Variants in DPP6 observed in about 807,000 individuals in gnomAD.
DPP6 encodes the protein dipeptidyl peptidase like 6.
Under a neutral mutation model 122.6 loss-of-function variants are expected in DPP6, and 69 were observed. That is an observed-to-expected ratio of 0.56 (90% confidence interval 0.46 to 0.69). DPP6 has a LOEUF of 0.69. Ranked by LOEUF, DPP6 falls within the 30% of genes least tolerant of loss-of-function variation. The pLI is 0.00. For missense variants in DPP6, 928 were observed against 1,116.9 expected, an observed-to-expected ratio of 0.83 and a Z score of 2.41; for synonymous variants, 418 against 433.1, an observed-to-expected ratio of 0.97 and a Z score of 0.43.
rs1808840097 is a variant in DPP6 at position 154,330,592 on chromosome 7, A to G, written c.244-115622A>G. ...ACTGAGACCGCTCCAGACATCTGAG[A>G]TGAACATGAAGAGAAAGGAATTTTC... On this transcript the variant is annotated intron_variant, in intron 1 of 25. Transcript: ENST00000377770. Among the ~76,000 whole-genome samples the G allele has an allele frequency of 3.3e-5, 5 of 152,324 alleles. No individual in the cohort carries two copies. In the South Asian group the frequency reaches 8.3e-4, roughly 25 times the overall value.
intron 22 of DPP6, among the ~76,000 whole-genome samples, chr7:154,887,399 G>C (rs77892139): frequency 6.6e-6 from 1 of 152,260 alleles, no homozygotes; most frequent in African/African-American, 2.4e-5. Context: ...GATTAACTGG[G>C]TTTTGCTTAA....
chr7:154,197,289 G>A (rs946219138), intron 1 of DPP6, among the ~76,000 whole-genome samples: 1 of 151,924 alleles, frequency 6.6e-6, no homozygotes, highest in Admixed American at 6.6e-5. Flanking sequence ...AGAAATAAGA[G>A]AATCCATGGG....
intron 5 of DPP6, among the ~76,000 whole-genome samples, chr7:154,614,254 T>C (rs1238466344): frequency 6.6e-6 from 1 of 152,248 alleles, no homozygotes; most frequent in Non-Finnish European, 1.5e-5. Flanking sequence ...AACTGGTTGT[T>C]CTGTTGGTTT....
At chr7:154,371,266 C>T (rs528052090) in intron 1 of DPP6, among the ~76,000 whole-genome samples, 2 of 150,020 alleles carry the variant, frequency 1.3e-5, no homozygotes, top group South Asian at 4.2e-4. Context: ...ATAATCCCAG[C>T]TACTCGGGAG....
In DPP6 at chr7:154,474,554, A is replaced by G. The variant is rs144625855; in HGVS notation, c.359-385A>G. Among the ~76,000 whole-genome samples, 71 of 152,326 alleles carry G rather than the reference A, an allele frequency of 4.7e-4. 1 individual carries two copies. In the East Asian group the frequency reaches 0.013, roughly 29 times the overall value. The stretch of plus-strand genomic sequence containing the variant: ...GCAGCTAAAATGCTGCACTTAATGA[A>G]TGCTTCATGATTGACCAATTACATC... On this transcript the variant is annotated intron_variant, in intron 2 of 25. Coordinates refer to ENST00000377770, the MANE Select transcript of DPP6 (RefSeq NM_130797.4).
chr7:154,333,798 A>G (rs1203811882), intron 1 of DPP6, among the ~76,000 whole-genome samples: 1 of 152,234 alleles, frequency 6.6e-6, no homozygotes, highest in Non-Finnish European at 1.5e-5. Context: ...GACTTTATGT[A>G]ATTTTAATTA....
intron 1 of DPP6, among the ~76,000 whole-genome samples, chr7:154,030,877 A>G (rs1799190497): frequency 6.6e-6 from 1 of 152,038 alleles, no homozygotes; most frequent in Non-Finnish European, 1.5e-5. Flanking sequence ...GACATATTTC[A>G]GAGTGTCTGC....
At chr7:153,997,817 G>C (rs1225061750) in intron 1 of DPP6, among the ~76,000 whole-genome samples, 1 of 150,958 alleles carries the variant, frequency 6.6e-6, no homozygotes, top group Non-Finnish European at 1.5e-5. Context: ...GCAGGTCTGC[G>C]TTCATGCCAC....
chr7:154,468,535 T>A (rs1821985871), intron 2 of DPP6, among the ~76,000 whole-genome samples: 1 of 152,176 alleles, frequency 6.6e-6, no homozygotes, highest in Non-Finnish European at 1.5e-5. Context: ...TATCCGCATA[T>A]AATCATGTGA....
At chr7:153,916,760 G>T (rs1389137536) in intron 1 of DPP6, among the ~76,000 whole-genome samples, 1 of 152,084 alleles carries the variant, frequency 6.6e-6, no homozygotes, top group Middle Eastern at 3.4e-3. Flanking sequence ...GGGTCACACT[G>T]GTGCTTACAT....
intron 5 of DPP6, among the ~76,000 whole-genome samples, chr7:154,586,318 G>C (rs1288544198): frequency 1.3e-5 from 2 of 152,136 alleles, no homozygotes; most frequent in Non-Finnish European, 2.9e-5. Flanking sequence ...TTGAGACAGA[G>C]GAGCTTTCCC....
At chr7:154,142,923 G>A (rs1057281757) in intron 1 of DPP6, among the ~76,000 whole-genome samples, 1 of 138,744 alleles carries the variant, frequency 7.2e-6, no homozygotes, top group Admixed American at 7.5e-5. Flanking sequence ...ATGAAGTTCA[G>A]AATTGGACAC....
chr7:153,887,122 G>C (rs1229704841), exon 1 of DPP6: 3 of 152,704 alleles, frequency 2.0e-5, no homozygotes, highest in East Asian at 1.9e-4. Context: ...CCTGGCGCGC[G>C]CGCGCGCACA....
At chr7:153,840,159 T>C in the DPP6 span, among the ~76,000 whole-genome samples, 1 of 152,196 alleles carries the variant, frequency 6.6e-6, no homozygotes, top group African/African-American at 2.4e-5. Flanking sequence ...TTGAATAATA[T>C]TCCATTTCAG....
the DPP6 span, among the ~76,000 whole-genome samples, chr7:153,767,747 G>C: frequency 6.6e-6 from 1 of 152,070 alleles, no homozygotes; most frequent in African/African-American, 2.4e-5. Context: ...TCTTATTCTG[G>C]ACAAGAATAG....
At chr7:154,494,277 G>A (rs112654367) in intron 3 of DPP6, among the ~76,000 whole-genome samples, 1 of 151,952 alleles carries the variant, frequency 6.6e-6, no homozygotes, top group African/African-American at 2.4e-5. Flanking sequence ...GATCACTTGA[G>A]CCTGCGAGGG....
chr7:154,745,024 G>A (rs1445200724), intron 8 of DPP6, among the ~76,000 whole-genome samples: 1 of 152,260 alleles, frequency 6.6e-6, no homozygotes, highest in East Asian at 1.9e-4. Context: ...TACTCAGGCA[G>A]ATGGATTTCC....
intron 1 of DPP6, among the ~76,000 whole-genome samples, chr7:154,265,218 T>A (rs1489857794): frequency 6.6e-6 from 1 of 152,114 alleles, no homozygotes; most frequent in African/African-American, 2.4e-5. Flanking sequence ...ATGGTGATGA[T>A]GATAATGATG....
At chr7:154,359,213 G>C (rs769490193) in intron 1 of DPP6, among the ~76,000 whole-genome samples, 1 of 152,164 alleles carries the variant, frequency 6.6e-6, no homozygotes, top group Non-Finnish European at 1.5e-5. Flanking sequence ...TGGGTGTTTC[G>C]GGTGGTCTGT....
Sources: gnomAD v4.1 joint callset for allele counts (sites outside exome capture counted in the v4.1 genomes callset) on GRCh38, gnomAD v4.1.1 for gene constraint, MANE v1.5 for transcripts, NCBI Gene and HGNC (gene_info 2026-07-23, HGNC 2026-07-21) for gene names.